The following WDR20 variants were observed in gnomAD, a reference collection of about 807,000 sequenced individuals.
WDR20 encodes WD repeat-containing protein 20.
Under a neutral mutation model 38.7 loss-of-function variants are expected in WDR20, and 3 were observed. That is an observed-to-expected ratio of 0.08 (90% confidence interval 0.04 to 0.20). The LOEUF (loss-of-function observed/expected upper bound fraction) is 0.20, where lower values mean the gene tolerates loss of function less well. Among genes scored for constraint, WDR20 ranks in the 10% least tolerant of loss-of-function variants. The pLI, the probability that WDR20 is intolerant of heterozygous loss-of-function variation, is 1.00. For synonymous variants in WDR20, 298 were observed against 285.6 expected (o/e 1.04, Z -0.44); for missense variants, 559 against 727.7 (o/e 0.77, Z 2.67).
At chr14:102,190,297 C>T (rs185403595) in intron 1 of WDR20, among the ~76,000 whole-genome samples, 24 of 152,260 alleles carry the variant, frequency 1.6e-4, no homozygotes, top group Admixed American at 1.2e-3. Context: ...CAGTGGCTCA[C>T]GCCTGTAATC....
downstream of WDR20, chr14:102,212,840 C>T (rs371480065): frequency 2.1e-5 from 27 of 1,299,008 alleles, no homozygotes; most frequent in East Asian, 3.2e-4. Flanking sequence ...TCAGCCTAAA[C>T]GTTATTATGA....
chr14:102,214,410 C>T (rs1269015432), downstream of WDR20: 5 of 985,314 alleles, frequency 5.1e-6, no homozygotes, highest in Non-Finnish European at 6.0e-6. Context: ...TAAAAGCACT[C>T]GTATGCAACT....
intron 1 of WDR20, among the ~76,000 whole-genome samples, chr14:102,154,687 G>T (rs973086645): frequency 2.0e-5 from 3 of 152,146 alleles, no homozygotes; most frequent in African/African-American, 7.2e-5. Context: ...TCGGTACCTA[G>T]AACAGTGCTT....
At chr14:102,140,614 G>T (rs4906181) in intron 1 of WDR20, among the ~76,000 whole-genome samples, 12 of 152,202 alleles carry the variant, frequency 7.9e-5, no homozygotes, top group Non-Finnish European at 1.5e-4. Flanking sequence ...CAAGATCTCT[G>T]TAAGGCGGAA....
At chr14:102,176,384 G>A (rs2062085431) in intron 1 of WDR20, among the ~76,000 whole-genome samples, 1 of 148,200 alleles carries the variant, frequency 6.7e-6, no homozygotes, top group South Asian at 2.1e-4. Context: ...GACAGAGCGA[G>A]ACTCCATCTC....
chr14:102,224,796 T>C (rs1378076490), downstream of WDR20: 2 of 456,024 alleles, frequency 4.4e-6, no homozygotes, highest in East Asian at 7.0e-5. Flanking sequence ...GTGAGTCTTC[T>C]AGAAAGAGAA....
chr14:102,167,000 G>A (rs1555381552), intron 1 of WDR20, among the ~76,000 whole-genome samples: 1 of 152,186 alleles, frequency 6.6e-6, no homozygotes, highest in Non-Finnish European at 1.5e-5. Context: ...AATGTGAATC[G>A]GATTGTCACT....
At chr14:102,171,109 G>T (rs2060717820) in intron 1 of WDR20, among the ~76,000 whole-genome samples, 1 of 151,896 alleles carries the variant, frequency 6.6e-6, no homozygotes, top group Non-Finnish European at 1.5e-5. Flanking sequence ...GCGCCACCAT[G>T]CCTGGCTAAT....
intron 1 of WDR20, among the ~76,000 whole-genome samples, chr14:102,172,684 C>T (rs1347367070): frequency 2.8e-5 from 4 of 142,094 alleles, no homozygotes; most frequent in African/African-American, 5.7e-5. Flanking sequence ...ACCTCCCTCC[C>T]GGACGGGGCG....
chr14:102,213,572 G>A, downstream of WDR20: 1 of 985,388 alleles, frequency 1.0e-6, no homozygotes, highest in African/African-American at 1.7e-5. Flanking sequence ...TGACAGGATG[G>A]GATTTTAGGG....
chr14:102,145,016 G>A (rs988215028), intron 1 of WDR20, among the ~76,000 whole-genome samples: 7 of 152,254 alleles, frequency 4.6e-5, no homozygotes, highest in Non-Finnish European at 1.0e-4. Flanking sequence ...TGCCTTCCTA[G>A]CACTTTTCTG....
At chr14:102,190,038 AAG>A (rs1196595070) in intron 1 of WDR20, among the ~76,000 whole-genome samples, 1 of 152,108 alleles carries the variant, frequency 6.6e-6, no homozygotes, top group Non-Finnish European at 1.5e-5. Context: ...TAAGCCAAGA[AAG>A]AGGGGCTGTC....
chr14:102,160,496 G>GT (rs2058383050), intron 1 of WDR20, among the ~76,000 whole-genome samples: 1 of 152,002 alleles, frequency 6.6e-6, no homozygotes, highest in Non-Finnish European at 1.5e-5. Flanking sequence ...TTTACATCTT[G>GT]TTTTTTCTGC....
chr14:102,215,202 G>T (rs12883965), downstream of WDR20, among the ~76,000 whole-genome samples: 2 of 152,160 alleles, frequency 1.3e-5, no homozygotes, highest in African/African-American at 4.8e-5. Flanking sequence ...AATGTTCTGC[G>T]TCTCAGATAC....
At chr14:102,154,244 T>G (rs781549459) in intron 1 of WDR20, among the ~76,000 whole-genome samples, 1 of 152,214 alleles carries the variant, frequency 6.6e-6, no homozygotes, top group South Asian at 2.1e-4. Context: ...TACCATAGAT[T>G]AGGTAGCCTG....
At chr14:102,177,420 G>GTA (rs2062394989) in intron 1 of WDR20, among the ~76,000 whole-genome samples, 1 of 152,166 alleles carries the variant, frequency 6.6e-6, no homozygotes, top group African/African-American at 2.4e-5. Context: ...CCAGAAGCCT[G>GTA]TACTGTGACA....
downstream of WDR20, among the ~76,000 whole-genome samples, chr14:102,216,072 C>A (rs1597115374): frequency 1.3e-5 from 2 of 152,314 alleles, no homozygotes; most frequent in South Asian, 4.1e-4. Context: ...CCGGCTGAGC[C>A]CTGTGCTCTG....
At chr14:102,214,809 T>G (rs1401990768), downstream of WDR20, 18 of 980,146 alleles carry the variant, frequency 1.8e-5, no homozygotes, top group Non-Finnish European at 1.8e-5. Flanking sequence ...TTGCAATAAT[T>G]AATGAAACTT....
chr14:102,154,407 C>A (rs2056884652), intron 1 of WDR20, among the ~76,000 whole-genome samples: 1 of 152,096 alleles, frequency 6.6e-6, no homozygotes, highest in Non-Finnish European at 1.5e-5. Flanking sequence ...CTCTGTGGGA[C>A]CTCTTTTATA....
Sources: allele counts gnomAD v4.1 joint callset (sites outside exome capture counted in the v4.1 genomes callset), GRCh38; gene constraint gnomAD v4.1.1; transcripts MANE v1.5; gene names NCBI Gene and HGNC (gene_info 2026-07-23, HGNC 2026-07-21).